The following MLIP variants were observed in gnomAD, a reference collection of about 807,000 sequenced individuals.
The protein encoded by MLIP is muscular LMNA interacting protein, also known as muscular LMNA-interacting protein.
A neutral mutation model predicts 84.8 loss-of-function variants in MLIP; 79 were observed. The observed-to-expected ratio is 0.93, with a 90% CI of 0.78 to 1.12. MLIP has a LOEUF of 1.12. MLIP is among the 50% of genes most tolerant of loss of function. The probability of loss-of-function intolerance (pLI) is 0.00; values close to 1 mark genes in which losing one functional copy is unlikely to be tolerated. For missense variants in MLIP, 1,257 were observed against 1,160.6 expected, an observed-to-expected ratio of 1.08 and a Z score of -1.21; for synonymous variants, 504 against 463.0, an observed-to-expected ratio of 1.09 and a Z score of -1.14.
chr6:54,101,303 G>A (rs1182230971), intron 1 of MLIP, among the ~76,000 whole-genome samples: 1 of 152,034 alleles, frequency 6.6e-6, no homozygotes, highest in Non-Finnish European at 1.5e-5. Context: ...TTATCAATTA[G>A]AAATTTTTGT....
intron 1 of MLIP, among the ~76,000 whole-genome samples, chr6:54,091,761 C>A (rs1256895849): frequency 6.6e-6 from 1 of 152,144 alleles, no homozygotes; most frequent in East Asian, 1.9e-4. Context: ...AAACCCTAGG[C>A]CTCCAGTTAT....
At chr6:54,259,968 A>G (rs1204236940) in intron 13 of MLIP, among the ~76,000 whole-genome samples, 1 of 151,912 alleles carries the variant, frequency 6.6e-6, no homozygotes, top group Non-Finnish European at 1.5e-5. Context: ...TCTTATGACT[A>G]TATGACCTAA....
intron 1 of MLIP, among the ~76,000 whole-genome samples, chr6:54,102,821 C>T (rs1768751751): frequency 6.6e-6 from 1 of 152,076 alleles, no homozygotes; most frequent in African/African-American, 2.4e-5. Context: ...TATGTTCCAA[C>T]TGGGGAGCCA....
At chr6:54,020,003 A>G (rs1432107074) in intron 1 of MLIP, among the ~76,000 whole-genome samples, 2 of 152,176 alleles carry the variant, frequency 1.3e-5, no homozygotes, top group Non-Finnish European at 2.9e-5. Flanking sequence ...TCAGGTCATC[A>G]TTTTCAGTAC....
chr6:54,265,237 C>T (rs533872732), intron 13 of MLIP, among the ~76,000 whole-genome samples: 1 of 152,232 alleles, frequency 6.6e-6, no homozygotes, highest in South Asian at 2.1e-4. Flanking sequence ...CTTCTTGCTT[C>T]ATCTCTGATA....
chr6:54,019,147 A>G, intron 1 of MLIP: 2 of 1,561,872 alleles, frequency 1.3e-6, no homozygotes, highest in Non-Finnish European at 1.8e-6. Context: ...AGGGTAGTAG[A>G]GCAACTGTCA....
At chr6:54,193,504 C>T (rs1324053082) in intron 10 of MLIP, among the ~76,000 whole-genome samples, 2 of 152,046 alleles carry the variant, frequency 1.3e-5, no homozygotes, top group East Asian at 3.8e-4. Context: ...TAGTGTTCAT[C>T]CTTGCTTTAT....
At chr6:54,056,831 T>C (rs374595212) in intron 1 of MLIP, among the ~76,000 whole-genome samples, 18 of 152,354 alleles carry the variant, frequency 1.2e-4, no homozygotes, top group South Asian at 4.1e-4. Context: ...TAGTTCATAA[T>C]ATTAGTTTAA....
In MLIP at chr6:54,252,202, T is replaced by C. The variant is rs548056286; in HGVS notation, c.2923-5106T>C. 6.4e-5 allele frequency among the ~76,000 whole-genome samples: 7 copies of C among 109,398 alleles called. No individual in the cohort carries two copies. In the East Asian group the frequency reaches 2.0e-3, roughly 31 times the overall value. 71.8% of individuals were successfully genotyped at this position (109,398 alleles called of 152,430 possible). ...CATAATATATAACTATAATATATTA[T>C]AACATATAATATATAACTATATTAT... On this transcript the variant is annotated intron_variant, in intron 12 of 13. Coordinates refer to ENST00000502396, the MANE Select transcript of MLIP (RefSeq NM_001281747.2).
chr6:54,217,549 G>A, intron 11 of MLIP: 10 of 984,742 alleles, frequency 1.0e-5, no homozygotes, highest in Non-Finnish European at 1.2e-5. Flanking sequence ...AATGAACAAA[G>A]ATATTACTTG....
intron 1 of MLIP, among the ~76,000 whole-genome samples, chr6:54,102,273 T>C (rs1055542579): frequency 4.6e-5 from 7 of 152,146 alleles, no homozygotes; most frequent in African/African-American, 1.7e-4. Flanking sequence ...GAAAAGATAA[T>C]ATATTAAATA....
intron 12 of MLIP, among the ~76,000 whole-genome samples, chr6:54,252,525 T>C (rs1782707865): frequency 7.0e-6 from 1 of 143,502 alleles, no homozygotes; most frequent in Non-Finnish European, 1.5e-5. Flanking sequence ...ATATAATATA[T>C]AATATAGATA....
At chr6:54,020,925 T>C (rs991599463) in intron 1 of MLIP, among the ~76,000 whole-genome samples, 3 of 152,142 alleles carry the variant, frequency 2.0e-5, no homozygotes, top group African/African-American at 7.2e-5. Flanking sequence ...GGTAGTTAAG[T>C]GTACAAGCAA....
intron 11 of MLIP, among the ~76,000 whole-genome samples, chr6:54,210,681 C>G (rs1440784836): frequency 2.1e-5 from 3 of 146,238 alleles, no homozygotes; most frequent in Non-Finnish European, 3.0e-5. Context: ...AACTCTAGCC[C>G]TGACTATGAT....
At chr6:54,140,717 C>A (rs561068620) in intron 4 of MLIP, among the ~76,000 whole-genome samples, 63 of 152,064 alleles carry the variant, frequency 4.1e-4, no homozygotes, top group African/African-American at 1.5e-3. Context: ...TTTCAGAAAT[C>A]GTATCTTGAG....
At chr6:54,082,000 T>A (rs538191867) in intron 1 of MLIP, among the ~76,000 whole-genome samples, 48 of 152,246 alleles carry the variant, frequency 3.2e-4, no homozygotes, top group South Asian at 1.2e-3. Context: ...TGCCTAGTGT[T>A]TACTATGCTA....
At chr6:54,238,696 C>G (rs1187366541) in intron 12 of MLIP, among the ~76,000 whole-genome samples, 5 of 152,150 alleles carry the variant, frequency 3.3e-5, no homozygotes, top group Non-Finnish European at 7.3e-5. Flanking sequence ...CAAGAAGGCT[C>G]TATTTACAGT....
At chr6:54,100,727 T>G (rs985616815) in intron 1 of MLIP, among the ~76,000 whole-genome samples, 11 of 152,124 alleles carry the variant, frequency 7.2e-5, no homozygotes, top group African/African-American at 2.7e-4. Flanking sequence ...AAATATATAT[T>G]GAGCATCTAC....
At chr6:54,079,980 A>C (rs942352626) in intron 1 of MLIP, among the ~76,000 whole-genome samples, 10 of 152,208 alleles carry the variant, frequency 6.6e-5, no homozygotes, top group Non-Finnish European at 1.3e-4. Flanking sequence ...GCAGCATAGC[A>C]CGGGATGGGA....
Sources: allele counts gnomAD v4.1 joint callset (sites outside exome capture counted in the v4.1 genomes callset), GRCh38; gene constraint gnomAD v4.1.1; transcripts MANE v1.5; gene names NCBI Gene and HGNC (gene_info 2026-07-23, HGNC 2026-07-21).